Variants in MINDY2 observed in about 807,000 individuals in gnomAD.
MINDY2 encodes the protein ubiquitin carboxyl-terminal hydrolase MINDY-2.
In MINDY2, 52 loss-of-function variants were observed where a neutral mutation model predicts 68.2. The ratio of observed to expected loss-of-function variants is 0.76; its 90% CI spans 0.61 to 0.96. MINDY2 has a LOEUF of 0.96. MINDY2 is among the 40% of genes least tolerant of loss of function. The pLI is 0.00. For synonymous variants in MINDY2, 372 were observed against 303.0 expected (o/e 1.23, Z -2.36); for missense variants, 881 against 773.4 (o/e 1.14, Z -1.65).
At chr15:58,787,631 G>A (rs750754829) in intron 1 of MINDY2, among the ~76,000 whole-genome samples, 1 of 151,520 alleles carries the variant, frequency 6.6e-6, no homozygotes, top group Non-Finnish European at 1.5e-5. Flanking sequence ...CAGCTACTCG[G>A]AAGGCTGAGG....
rs1901619437 is a variant in MINDY2 at position 58,787,929 on chromosome 15, A to C, written c.864A>C (p.Glu288Asp). 6.3e-7 allele frequency: 1 copy of C among 1,598,498 alleles called. No individual in the cohort carries two copies. The change falls in exon 2 of 9, where the codon GAA (glutamate) becomes GAC (aspartate). Residue 288 changes from glutamate (E) to aspartate (D), a missense_variant. By Grantham distance (45) the Glu-to-Asp change is conservative (BLOSUM62 2). Transcript: ENST00000559228. ...AGGTGAAACTTCCACCGATGATGGA[A>C]ATCATAACTGCTGAGCAGCTGATGG... ...AWKVKLPPMM[E>D]IITAEQLMEY...
intron 4 of MINDY2, among the ~76,000 whole-genome samples, chr15:58,820,386 G>C (rs561737002): frequency 1.0e-3 from 156 of 151,594 alleles, no homozygotes; most frequent in African/African-American, 3.6e-3. Flanking sequence ...GGAGGTTGCA[G>C]TGAGCCGAGG....
intron 1 of MINDY2, among the ~76,000 whole-genome samples, chr15:58,774,688 T>C (rs1016672789): frequency 2.0e-5 from 3 of 152,038 alleles, no homozygotes; most frequent in Admixed American, 6.6e-5. Flanking sequence ...ATAGAAGAGA[T>C]AACCTGTGAA....
intron 6 of MINDY2, among the ~76,000 whole-genome samples, chr15:58,841,146 T>A (rs1277301207): frequency 1.3e-5 from 2 of 151,618 alleles, no homozygotes; most frequent in Non-Finnish European, 2.9e-5. Flanking sequence ...CATGTCCAGC[T>A]AATTTTTTGT....
intron 3 of MINDY2, among the ~76,000 whole-genome samples, chr15:58,807,448 C>T (rs150984593): frequency 0.015 from 2,239 of 151,030 alleles, 49 homozygotes; most frequent in African/African-American, 0.049. Context: ...CTCCGCCTCC[C>T]GGGTTTACGC....
Position 58,821,717 on chromosome 15 carries a change from A to T in MINDY2, c.1123A>T (p.Ile375Phe). 1.3e-6 allele frequency: 2 copies of T among 1,559,082 alleles called. No individual in the cohort carries two copies. The highest frequency in any genetic ancestry group is 1.7e-6 in the Non-Finnish European group (2 of 1,157,950). Residue 375 changes from isoleucine to phenylalanine, a missense_variant and splice_region_variant, in exon 5 of 9, where the codon ATT becomes TTT. By Grantham distance (21) the Ile-to-Phe change is conservative. Transcript: ENST00000559228. ...LYHGWLVDPQIDDIVKAVGNC... is the reference protein window; with the variant it reads ...LYHGWLVDPQFDDIVKAVGNC... ...AGTGAGACAGTCATTTGTTTTCTAGATTGATGACATTGTAAAAGCTGTTGG... is the reference window on the plus strand; with the variant it reads ...AGTGAGACAGTCATTTGTTTTCTAGTTTGATGACATTGTAAAAGCTGTTGG...
At chr15:58,811,198 G>A (rs1469267960) in intron 4 of MINDY2, among the ~76,000 whole-genome samples, 1 of 152,186 alleles carries the variant, frequency 6.6e-6, no homozygotes, top group Non-Finnish European at 1.5e-5. Context: ...GGGCAAGACC[G>A]TATTCTTTAT....
intron 1 of MINDY2, among the ~76,000 whole-genome samples, chr15:58,773,899 A>C (rs949124691): frequency 6.6e-6 from 1 of 152,242 alleles, no homozygotes; most frequent in Non-Finnish European, 1.5e-5. Context: ...ATAATGAAAA[A>C]TAAGGTTGAA....
chr15:58,789,114 G>A (rs1048549406), intron 2 of MINDY2, among the ~76,000 whole-genome samples: 6 of 152,220 alleles, frequency 3.9e-5, no homozygotes, highest in Non-Finnish European at 5.9e-5. Context: ...GAGGCGGGCC[G>A]ATCACAAGGT....
intron 5 of MINDY2, among the ~76,000 whole-genome samples, chr15:58,831,411 C>T (rs2031721535): frequency 6.6e-6 from 1 of 152,138 alleles, no homozygotes; most frequent in Non-Finnish European, 1.5e-5. Flanking sequence ...CTTTCCCACC[C>T]ATTTTTAAAA....
intron 6 of MINDY2, among the ~76,000 whole-genome samples, chr15:58,844,554 C>T (rs1459585308): frequency 4.3e-5 from 3 of 69,094 alleles, no homozygotes; most frequent in East Asian, 4.2e-4. Context: ...AGCGAGACTC[C>T]GTCTCAAAAA....
chr15:58,780,670 T>G (rs909417608), intron 1 of MINDY2, among the ~76,000 whole-genome samples: 90 of 152,288 alleles, frequency 5.9e-4, no homozygotes, highest in African/African-American at 2.1e-3. Context: ...TTATACAGAC[T>G]CCGGTTTTTA....
At position 58,778,427 on chromosome 15, in the gene MINDY2, T is replaced by G. The variant is rs551106623; in HGVS notation, c.840+6192T>G. 1.4e-3 allele frequency among the ~76,000 whole-genome samples: 216 copies of G among 152,136 alleles called. 1 individual carries two copies. The highest frequency in any genetic ancestry group is 4.8e-3 in the African/African-American group (200 of 41,530). On this transcript the variant is annotated intron_variant, in intron 1 of 8. Transcript: ENST00000559228. ...AATGCCAGGGTCCTGAAGCAGGATT[T>G]TTTTTATATAAAGTTGGTTTCTCCA...
rs28559610 is a variant in MINDY2, at chr15:58,771,815, A to G, written c.420A>G (p.Gln140=). The G allele has an allele frequency of 6.9e-4, 1,115 of 1,609,908 alleles. 12 individuals carry two copies. The African/African-American group carries it at 0.013, about 19-fold the overall frequency. The change falls in exon 1 of 9, where the codon CAA becomes CAG. Residue 140 remains glutamine (Q), a synonymous_variant. Transcript: ENST00000559228. ...GCCCGGATCTCGCCGGCACCTGCCA[A>G]GCAGAACTGACCGCCGCCGGCTCCG... ...GARPDLAGTC[Q]AELTAAGSEE...
Position 58,856,860 on chromosome 15 carries a change from G to A in MINDY2, c.*2250G>A, listed in dbSNP as rs2033076503. 2.0e-5 allele frequency: 3 copies of A among 152,292 alleles called. No individual in the cohort carries two copies. Among genetic ancestry groups the A allele is most frequent in the South Asian group, 4.1e-4 (2 of 4,824 alleles). 9.4% of individuals were successfully genotyped at this position (152,292 alleles called of 1,614,324 possible). A position where few individuals can be genotyped will look rare whatever the true frequency, so the allele number is the denominator to read the frequency against. On this transcript the variant is annotated 3_prime_UTR_variant, in exon 9 of 9. Transcript: ENST00000559228. ...ATAATTATATACTTATCTGTTTATT[G>A]CCCATGGAAAATATATGTGTAGAAG...
At chr15:58,820,996 T>G (rs1036351655) in intron 4 of MINDY2, among the ~76,000 whole-genome samples, 4 of 151,214 alleles carry the variant, frequency 2.6e-5, no homozygotes, top group African/African-American at 7.3e-5. Context: ...TATAAGTTGT[T>G]TAGACAGTAG....
intron 3 of MINDY2, among the ~76,000 whole-genome samples, chr15:58,806,020 G>A (rs1395782939): frequency 6.6e-6 from 1 of 152,224 alleles, no homozygotes; most frequent in Non-Finnish European, 1.5e-5. Flanking sequence ...GTTGCAGTGA[G>A]CCGAGATCAC....
At chr15:58,827,982 C>T (rs2031503701) in intron 5 of MINDY2, among the ~76,000 whole-genome samples, 1 of 151,746 alleles carries the variant, frequency 6.6e-6, no homozygotes, top group Admixed American at 6.6e-5. Context: ...CCTGTAATCC[C>T]AGCACTTTGG....
intron 4 of MINDY2, among the ~76,000 whole-genome samples, chr15:58,812,034 A>C (rs1422571359): frequency 6.6e-6 from 1 of 152,228 alleles, no homozygotes; most frequent in Admixed American, 6.5e-5. Context: ...ATACCAGCCA[A>C]TGCCTTTCAA....
Sources: allele counts gnomAD v4.1 joint callset (sites outside exome capture counted in the v4.1 genomes callset), GRCh38; gene constraint gnomAD v4.1.1; transcripts MANE v1.5; gene names NCBI Gene and HGNC (gene_info 2026-07-23, HGNC 2026-07-21).